FUT8: variants seen among roughly 807,000 people sequenced by gnomAD.
The protein encoded by FUT8 is alpha-(1,6)-fucosyltransferase.
A neutral mutation model predicts 71.3 loss-of-function variants in FUT8; 29 were observed. The observed-to-expected ratio is 0.41, with a 90% CI of 0.30 to 0.55. The LOEUF is 0.55. FUT8 is among the 20% of genes least tolerant of loss of function. The pLI, the probability that FUT8 is intolerant of heterozygous loss-of-function variation, is 0.34. For missense variants in FUT8, 544 were observed against 702.1 expected, an observed-to-expected ratio of 0.77 and a Z score of 2.55; for synonymous variants, 254 against 239.3, an observed-to-expected ratio of 1.06 and a Z score of -0.57.
intron 1 of FUT8, among the ~76,000 whole-genome samples, chr14:65,448,470 C>T (rs1011978421): frequency 6.6e-6 from 1 of 152,138 alleles, no homozygotes; most frequent in Admixed American, 6.5e-5. Context: ...CTGATATCTG[C>T]ACAATATTTT....
At chr14:65,595,766 C>T (rs1887943678) in intron 3 of FUT8, among the ~76,000 whole-genome samples, 1 of 151,790 alleles carries the variant, frequency 6.6e-6, no homozygotes, top group Admixed American at 6.6e-5. Flanking sequence ...CCGCCACCAC[C>T]CCTGGCTAAT....
At chr14:65,470,371 C>T (rs998987619) in intron 2 of FUT8, among the ~76,000 whole-genome samples, 3 of 152,082 alleles carry the variant, frequency 2.0e-5, no homozygotes, top group African/African-American at 7.2e-5. Flanking sequence ...CTGCCTGTTT[C>T]CAGTCCCCAA....
In FUT8 at chr14:65,483,274, A is replaced by G. The variant is rs940578349; in HGVS notation, c.-228+27556A>G. 3.3e-5 allele frequency among the ~76,000 whole-genome samples: 5 copies of G among 152,140 alleles called. No homozygotes were observed. The highest frequency in any genetic ancestry group is 1.2e-4 in the African/African-American group (5 of 41,430). On this transcript the variant is annotated intron_variant, in intron 2 of 10. Coordinates refer to ENST00000673929, the MANE Select transcript of FUT8 (RefSeq NM_001371533.1). The surrounding 1 kb of genome is among the most constrained non-coding windows in gnomAD (Gnocchi z 4.4). ...CCTGGGATGGTTTAGGGTCGGAGGA[A>G]GCTCTTGCCTTGGTGTTCTGTGTCA...
the FUT8 span, among the ~76,000 whole-genome samples, chr14:65,369,364 T>C: frequency 1.3e-5 from 2 of 152,236 alleles, no homozygotes; most frequent in Admixed American, 6.5e-5. The surrounding 1 kb of genome is among the most constrained non-coding windows in gnomAD (Gnocchi z 4.6). Context: ...TTCGAGATTG[T>C]GTCTCTGCCG....
At chr14:65,444,505 C>G (rs1339519882) in intron 1 of FUT8, among the ~76,000 whole-genome samples, 1 of 152,068 alleles carries the variant, frequency 6.6e-6, no homozygotes, top group African/African-American at 2.4e-5. Context: ...TTCATAATTG[C>G]CCAAAACTGG....
the FUT8 span, among the ~76,000 whole-genome samples, chr14:65,394,035 A>T: frequency 6.6e-6 from 1 of 152,120 alleles, no homozygotes; most frequent in Non-Finnish European, 1.5e-5. Context: ...TGGATAACCA[A>T]AACCTCCACC....
At chr14:65,592,793 A>C (rs1295446121) in intron 3 of FUT8, among the ~76,000 whole-genome samples, 1 of 152,156 alleles carries the variant, frequency 6.6e-6, no homozygotes, top group African/African-American at 2.4e-5. Context: ...GGAACAATGC[A>C]TCTCATGTAT....
At chr14:65,399,244 G>C in the FUT8 span, among the ~76,000 whole-genome samples, 1 of 152,168 alleles carries the variant, frequency 6.6e-6, no homozygotes, top group Non-Finnish European at 1.5e-5. Flanking sequence ...TTGAACCCAA[G>C]AGGCGGAGGT....
intron 2 of FUT8, among the ~76,000 whole-genome samples, chr14:65,500,120 A>G (rs549055402): frequency 1.5e-4 from 23 of 152,274 alleles, no homozygotes; most frequent in African/African-American, 5.1e-4. Context: ...TTGGAATAGG[A>G]TGAGATGTTA....
intron 2 of FUT8, among the ~76,000 whole-genome samples, chr14:65,546,305 C>T (rs74895419): frequency 0.068 from 10,290 of 151,788 alleles, 625 homozygotes; most frequent in South Asian, 0.19. Context: ...GTTTTTAAGT[C>T]ATTAGGCTAT....
intron 2 of FUT8, among the ~76,000 whole-genome samples, chr14:65,560,398 T>G (rs958902823): frequency 1.3e-5 from 2 of 152,160 alleles, no homozygotes; most frequent in African/African-American, 4.8e-5. Flanking sequence ...CAGATTGGTC[T>G]CAAACTCTGG....
At chr14:65,495,434 C>T (rs1253858439) in intron 2 of FUT8, among the ~76,000 whole-genome samples, 1 of 152,086 alleles carries the variant, frequency 6.6e-6, no homozygotes, top group Non-Finnish European at 1.5e-5. Flanking sequence ...TGTAGTAGTA[C>T]TGGATATTTT....
At chr14:65,616,441 C>T in intron 5 of FUT8, 68 bp downstream of exon 5, 1 of 1,311,044 alleles carries the variant, frequency 7.6e-7, no homozygotes. Context: ...GAGAAACAGA[C>T]TTGTTAATCC....
intron 7 of FUT8, among the ~76,000 whole-genome samples, chr14:65,691,101 T>C (rs1462248062): frequency 6.6e-6 from 1 of 151,206 alleles, no homozygotes; most frequent in African/African-American, 2.5e-5. Context: ...CAGGGGTTTT[T>C]TGCTGGTTTT....
chr14:65,646,668 CTT>C (rs1294803413), intron 6 of FUT8: 5 of 146,332 alleles, frequency 3.4e-5, no homozygotes, highest in East Asian at 2.0e-4. Context: ...TTTCCAATGA[CTT>C]TTTTTTTTTT....
At chr14:65,490,548 TA>T (rs1459966462) in intron 2 of FUT8, among the ~76,000 whole-genome samples, 1 of 152,122 alleles carries the variant, frequency 6.6e-6, no homozygotes, top group Non-Finnish European at 1.5e-5. Context: ...GTATCTGTGT[TA>T]AAAAAATATA....
At chr14:65,508,844 G>A (rs187588847) in intron 2 of FUT8, among the ~76,000 whole-genome samples, 289 of 152,086 alleles carry the variant, frequency 1.9e-3, no homozygotes, top group Middle Eastern at 3.4e-3. Flanking sequence ...TGTCAGATGG[G>A]TAGTTTGCAA....
rs1891479885 is a variant in FUT8 at position 65,652,928 on chromosome 14, C to G, written c.598-16315C>G. ...GCAGGGGATCATTGGCCATCTCTCT[C>G]TGTATTGGTCTTTTCAGTATTGCAA... On this transcript the variant is annotated intron_variant, in intron 6 of 10. Coordinates refer to ENST00000673929, the MANE Select transcript of FUT8 (RefSeq NM_001371533.1). The surrounding 1 kb of genome is among the most constrained non-coding windows in gnomAD (Gnocchi z 4.0). Among the ~76,000 whole-genome samples, 1 of 152,168 alleles carries G rather than the reference C, an allele frequency of 6.6e-6. No individual in the cohort carries two copies. Among genetic ancestry groups the G allele is most frequent in the African/African-American group, 2.4e-5 (1 of 41,436 alleles).
At position 65,526,969 on chromosome 14, in the gene FUT8, G is replaced by A. The variant is rs186477249; in HGVS notation, c.-227-34368G>A. ...ATGGGCTTCACTTTGTGGGTAACCC[G>A]ACCTTTCTCTCTGGCTGCCCTTAAC... On this transcript the variant is annotated intron_variant, in intron 2 of 10. Coordinates refer to ENST00000673929, the MANE Select transcript of FUT8 (RefSeq NM_001371533.1). 2.8e-3 allele frequency among the ~76,000 whole-genome samples: 423 copies of A among 152,260 alleles called. 2 individuals carry two copies. Among genetic ancestry groups the A allele is most frequent in the Non-Finnish European group, 3.5e-3 (239 of 68,022 alleles).
Sources: allele counts gnomAD v4.1 joint callset (sites outside exome capture counted in the v4.1 genomes callset), GRCh38; gene constraint gnomAD v4.1.1; non-coding constraint Gnocchi (gnomAD v3.1); transcripts MANE v1.5; gene names NCBI Gene and HGNC (gene_info 2026-07-23, HGNC 2026-07-21).